DAPK1: variants seen among roughly 807,000 people sequenced by gnomAD.
The protein encoded by DAPK1 is death associated protein kinase 1.
In DAPK1, 56 loss-of-function variants were observed where a neutral mutation model predicts 144.9. The observed-to-expected ratio is 0.39, with a 90% CI of 0.31 to 0.48. DAPK1 has a LOEUF of 0.48. DAPK1 is among the 20% of genes least tolerant of loss of function. The pLI is 0.95. For synonymous variants in DAPK1, 690 were observed against 749.0 expected, an observed-to-expected ratio of 0.92 and a Z score of 1.29; for missense variants, 1,454 against 1,875.4, an observed-to-expected ratio of 0.78 and a Z score of 4.15.
At chr9:87,525,676 ACCTCCTCCATGTTTTC>A (rs149498246) in intron 2 of DAPK1, among the ~76,000 whole-genome samples, 2,337 of 152,188 alleles carry the variant, frequency 0.015, 65 homozygotes, top group African/African-American at 0.053. Context: ...CCTCGGTTCC[ACCTCCTCCATGTTTTC>A]CTCTCTCTTC....
chr9:87,605,833 C>G (rs1828696525), intron 3 of DAPK1, among the ~76,000 whole-genome samples: 1 of 152,148 alleles, frequency 6.6e-6, no homozygotes, highest in Admixed American at 6.5e-5. Flanking sequence ...AGCTTCCTGC[C>G]TGCTGTGCTG....
At chr9:87,522,727 C>T (rs1248825767) in intron 2 of DAPK1, among the ~76,000 whole-genome samples, 1 of 152,198 alleles carries the variant, frequency 6.6e-6, no homozygotes, top group East Asian at 1.9e-4. Context: ...TCTTCATAGA[C>T]CGTAAGTCAG....
intron 3 of DAPK1, among the ~76,000 whole-genome samples, chr9:87,620,865 G>A (rs1360487941): frequency 1.3e-5 from 2 of 152,182 alleles, no homozygotes; most frequent in Admixed American, 6.5e-5. Flanking sequence ...TACCCAGGCT[G>A]AAGAGATGCC....
chr9:87,522,091 A>C (rs967896740), intron 2 of DAPK1, among the ~76,000 whole-genome samples: 13 of 152,246 alleles, frequency 8.5e-5, no homozygotes, highest in African/African-American at 2.9e-4. Context: ...AGCCTCCAGG[A>C]CCACGAGCTG....
intron 2 of DAPK1, among the ~76,000 whole-genome samples, chr9:87,533,294 G>T (rs1471269348): frequency 6.6e-6 from 1 of 152,238 alleles, no homozygotes. Context: ...CAGTGCTTAG[G>T]CACCAGACCA....
intron 2 of DAPK1, among the ~76,000 whole-genome samples, chr9:87,525,667 C>T (rs1470689502): frequency 6.6e-6 from 1 of 151,904 alleles, no homozygotes; most frequent in Non-Finnish European, 1.5e-5. Flanking sequence ...GGCTGAGGGC[C>T]TCGGTTCCAC....
chr9:87,640,153 G>A, intron 7 of DAPK1, 145 bp from the exon 8 acceptor site: 1 of 854,798 alleles, frequency 1.2e-6, no homozygotes. Context: ...GCTCCTGACA[G>A]TTAAAGCCCT....
intron 2 of DAPK1, among the ~76,000 whole-genome samples, chr9:87,559,076 T>A (rs1009260790): frequency 6.6e-6 from 1 of 152,168 alleles, no homozygotes; most frequent in South Asian, 2.1e-4. Context: ...CCCAACAAAA[T>A]GACAGTTGGC....
At position 87,642,048 on chromosome 9, in the gene DAPK1, A is replaced by G; in HGVS notation, c.908A>G (p.Lys303Arg). The G allele has an allele frequency of 1.2e-6, 2 of 1,613,998 alleles. No individual in the cohort carries two copies. Among genetic ancestry groups the G allele is most frequent in the African/African-American group, 1.3e-5 (1 of 75,062 alleles). ...AAATTCAAGAAGTTTGCAGCCCGGA[A>G]AAAATGGAAAGTAAGATTGTTTGTT... is the stretch of plus-strand genomic sequence containing the variant. ...MEKFKKFAARKKWKQSVRLIS... is the reference protein window; with the variant it reads ...MEKFKKFAARRKWKQSVRLIS... The change falls in exon 10 of 26, where the codon AAA becomes AGA. Residue 303 changes from lysine (K) to arginine (R), a missense_variant. Transcript: ENST00000408954.
intron 2 of DAPK1, among the ~76,000 whole-genome samples, chr9:87,589,530 A>G (rs1828054027): frequency 6.8e-6 from 1 of 147,370 alleles, no homozygotes; most frequent in South Asian, 2.2e-4. Context: ...GTGACACTAG[A>G]CAGGTCAGCT....
At chr9:87,641,386 A>G (rs1477519358) in intron 9 of DAPK1, among the ~76,000 whole-genome samples, 10 of 152,212 alleles carry the variant, frequency 6.6e-5, no homozygotes, top group Admixed American at 5.9e-4. Context: ...GTGGGAAAGT[A>G]TGATAGTTAC....
At chr9:87,632,019 G>T (rs72747861) in intron 3 of DAPK1, 222,213 of 680,732 alleles carry the variant, frequency 0.33, 44,780 homozygotes, top group South Asian at 0.45. Flanking sequence ...GATGAAGGAG[G>T]ATGAGTATAT....
chr9:87,677,912 C>T (rs943412708), intron 19 of DAPK1, among the ~76,000 whole-genome samples: 5 of 152,142 alleles, frequency 3.3e-5, no homozygotes, highest in East Asian at 1.9e-4. Flanking sequence ...GTGCACGTGG[C>T]GCTGGGGACA....
At chr9:87,598,651 T>C (rs1828403759) in intron 2 of DAPK1, among the ~76,000 whole-genome samples, 1 of 152,216 alleles carries the variant, frequency 6.6e-6, no homozygotes, top group African/African-American at 2.4e-5. Context: ...CCATTCTGAA[T>C]GTTGCGTCTT....
At chr9:87,565,726 AC>A (rs1477297944) in intron 2 of DAPK1, among the ~76,000 whole-genome samples, 1 of 151,280 alleles carries the variant, frequency 6.6e-6, no homozygotes, top group African/African-American at 2.4e-5. Flanking sequence ...CCCGTTTTTC[AC>A]TCTTTCTTTT....
intron 3 of DAPK1, among the ~76,000 whole-genome samples, chr9:87,622,191 C>A (rs184227651): frequency 1.3e-5 from 2 of 151,850 alleles, no homozygotes; most frequent in East Asian, 3.9e-4. Context: ...TTTCTCTTTC[C>A]CATGCGCCCT....
chr9:87,698,658 T>C lies in DAPK1; in HGVS notation c.2614T>C (p.Phe872Leu). 6.2e-7 allele frequency: 1 copy of C among 1,603,176 alleles called. No individual in the cohort carries two copies. Among genetic ancestry groups the C allele is most frequent in the East Asian group, 2.2e-5 (1 of 44,830 alleles). ...SLVPVEEPIA[F>L]GGKLKNPLQV... ...AGCAGTTCCCTCTCTGCCCCCAGCCTTCGGTGGCAAGCTGAAGAACCCACT... is the reference window on the plus strand; with the variant it reads ...AGCAGTTCCCTCTCTGCCCCCAGCCCTCGGTGGCAAGCTGAAGAACCCACT... The change falls in exon 23 of 26, where the codon TTC becomes CTC. Residue 872 changes from phenylalanine (F) to leucine (L), a missense_variant and splice_region_variant. Physicochemically the swap from Phe to Leu is conservative, Grantham distance 22. Coordinates refer to ENST00000408954, the MANE Select transcript of DAPK1 (RefSeq NM_004938.4).
At chr9:87,688,414 G>C (rs1412072939) in intron 21 of DAPK1, among the ~76,000 whole-genome samples, 2 of 152,214 alleles carry the variant, frequency 1.3e-5, no homozygotes, top group Non-Finnish European at 2.9e-5. Flanking sequence ...TAGTGCATGT[G>C]TCTTTTTGGT....
chr9:87,616,474 G>A (rs1356776949), intron 3 of DAPK1, among the ~76,000 whole-genome samples: 5 of 152,136 alleles, frequency 3.3e-5, no homozygotes, highest in Admixed American at 6.5e-5. Flanking sequence ...GGGGGGAAAC[G>A]TTGATTTACT....
Sources: gnomAD v4.1 joint callset for allele counts (sites outside exome capture counted in the v4.1 genomes callset) on GRCh38, gnomAD v4.1.1 for gene constraint, MANE v1.5 for transcripts, NCBI Gene and HGNC (gene_info 2026-07-23, HGNC 2026-07-21) for gene names.